The following THRB variants were observed in gnomAD, a reference collection of about 807,000 sequenced individuals.
THRB encodes the protein thyroid hormone receptor beta.
In THRB, 12 loss-of-function variants were observed where a neutral mutation model predicts 47.8. That is an observed-to-expected ratio of 0.25 (90% CI 0.16 to 0.41). The LOEUF (loss-of-function observed/expected upper bound fraction) is 0.41. Among genes scored for constraint, THRB ranks in the 10% least tolerant of loss-of-function variants. The pLI, the probability that THRB is intolerant of heterozygous loss-of-function variation, is 1.00. For missense variants in THRB, 348 were observed against 589.2 expected (o/e 0.59, Z 4.24); for synonymous variants, 218 against 212.2 (o/e 1.03, Z -0.24).
intron 4 of THRB, among the ~76,000 whole-genome samples, chr3:24,191,834 C>T (rs548286701): frequency 2.6e-5 from 4 of 152,176 alleles, no homozygotes; most frequent in African/African-American, 4.8e-5. Context: ...AATCAACACA[C>T]GATTCCTTTG....
intron 7 of THRB, 119 bp downstream of exon 7, chr3:24,146,556 G>A (rs1253878774): frequency 9.3e-6 from 10 of 1,076,258 alleles, no homozygotes; most frequent in Non-Finnish European, 1.4e-5. Context: ...CGAAAGTAAG[G>A]TATTCCCTTC....
chr3:24,418,259 A>AC (rs397781302), intron 1 of THRB, among the ~76,000 whole-genome samples: 2 of 149,984 alleles, frequency 1.3e-5, no homozygotes, highest in African/African-American at 4.9e-5. Context: ...AAAAAAAAAA[A>AC]CCTGTATTTC....
intron 3 of THRB, among the ~76,000 whole-genome samples, chr3:24,236,284 G>A (rs1036359410): frequency 6.6e-6 from 1 of 152,182 alleles, no homozygotes; most frequent in African/African-American, 2.4e-5. Flanking sequence ...TCTCAGTTTA[G>A]TAGTTTGGGG....
Position 24,119,585 on chromosome 3 carries a change from AC to A in THRB, c.*3298del, listed in dbSNP as rs2148754728. On this transcript the variant is annotated 3_prime_UTR_variant, in exon 11 of 11. Transcript: ENST00000646209. The stretch of plus-strand genomic sequence containing the variant: ...TTGTACCCCTGTTCATGGAGGAGCA[AC>A]AAGAACGGCGTTGCTGGCACAGAGC... 6.6e-6 allele frequency: 1 copy of A among 152,412 alleles called. No individual in the cohort carries two copies. The highest frequency in any genetic ancestry group is 2.1e-4 in the South Asian group (1 of 4,806). The allele number at this position is 152,412 out of a possible 1,614,324, so 9.4% of individuals were successfully genotyped here. A position where few individuals can be genotyped will look rare whatever the true frequency, so the allele number is the denominator to read the frequency against.
At chr3:24,291,328 A>G (rs1432654965) in intron 3 of THRB, among the ~76,000 whole-genome samples, 1 of 152,212 alleles carries the variant, frequency 6.6e-6, no homozygotes, top group African/African-American at 2.4e-5. Flanking sequence ...GGCTCTGCCT[A>G]GACATATTTA....
intron 2 of THRB, among the ~76,000 whole-genome samples, chr3:24,311,323 G>A (rs1018380229): frequency 3.9e-5 from 6 of 152,262 alleles, no homozygotes; most frequent in African/African-American, 1.4e-4. Context: ...TAAATACTGT[G>A]TATTAATGAA....
chr3:24,255,042 A>G (rs2051107679), intron 3 of THRB, among the ~76,000 whole-genome samples: 1 of 152,196 alleles, frequency 6.6e-6, no homozygotes, highest in Non-Finnish European at 1.5e-5. Flanking sequence ...CCTTGGGAAG[A>G]ATGGAAAAAT....
intron 6 of THRB, among the ~76,000 whole-genome samples, chr3:24,148,719 T>C (rs1409584227): frequency 6.6e-6 from 1 of 152,222 alleles, no homozygotes; most frequent in Admixed American, 6.5e-5. Context: ...GTATACCCTA[T>C]TGCATATTCC....
Position 24,302,066 on chromosome 3 carries a change from G to A in THRB, c.-188-4695C>T, listed in dbSNP as rs11919538. ...GCCCTAACTTGGTGTTGGCTAAGCC[G>A]CTAGGTTGGTGATAATTTGTTATGG... On this transcript the variant is annotated intron_variant, in intron 2 of 10. Coordinates refer to ENST00000646209, the MANE Select transcript of THRB (RefSeq NM_001354712.2). Among the ~76,000 whole-genome samples, 1,308 of 152,310 alleles carry A rather than the reference G, an allele frequency of 8.6e-3. 18 individuals are homozygous for A. The highest frequency in any genetic ancestry group is 0.029 in the African/African-American group (1,216 of 41,568).
intron 1 of THRB, among the ~76,000 whole-genome samples, chr3:24,416,596 C>T (rs1308064264): frequency 6.6e-6 from 1 of 151,870 alleles, no homozygotes; most frequent in Non-Finnish European, 1.5e-5. Context: ...ATATAGGATT[C>T]TCCCTTCAGA....
At chr3:24,229,761 C>T (rs7652442) in intron 3 of THRB, among the ~76,000 whole-genome samples, 74,887 of 152,014 alleles carry the variant, frequency 0.49, 18,869 homozygotes, top group South Asian at 0.59. Flanking sequence ...AGCATATTGC[C>T]GGAGACAGAT....
At chr3:24,315,226 G>T (rs1189972521) in intron 2 of THRB, among the ~76,000 whole-genome samples, 1 of 152,164 alleles carries the variant, frequency 6.6e-6, no homozygotes, top group African/African-American at 2.4e-5. Flanking sequence ...CACACACAGA[G>T]CATCACGGGG....
intron 1 of THRB, among the ~76,000 whole-genome samples, chr3:24,469,903 C>G (rs762006172): frequency 1.6e-4 from 25 of 152,210 alleles, no homozygotes; most frequent in Non-Finnish European, 2.4e-4. Context: ...ATGGAACAAT[C>G]TGATGAAGAC....
At chr3:24,145,501 G>A (rs990563264) in intron 7 of THRB, among the ~76,000 whole-genome samples, 1 of 152,162 alleles carries the variant, frequency 6.6e-6, no homozygotes, top group African/African-American at 2.4e-5. Flanking sequence ...CTAAGTATTT[G>A]GCTGTAAGTC....
chr3:24,236,711 C>T (rs576621880), intron 3 of THRB, among the ~76,000 whole-genome samples: 1 of 152,216 alleles, frequency 6.6e-6, no homozygotes, highest in African/African-American at 2.4e-5. Context: ...AAAATTTTTC[C>T]CTTTCAAGGT....
chr3:24,142,987 C>A (rs1350499771), intron 8 of THRB, among the ~76,000 whole-genome samples: 1 of 152,154 alleles, frequency 6.6e-6, no homozygotes, highest in Non-Finnish European at 1.5e-5. Context: ...CAACCCTATC[C>A]CTACTCCCTC....
chr3:24,164,999 G>T, intron 5 of THRB: 1 of 706,268 alleles, frequency 1.4e-6, no homozygotes, highest in South Asian at 1.5e-5. Flanking sequence ...GTGAAACTTT[G>T]AACAAATTTA....
At chr3:24,282,996 C>G (rs904325540) in intron 3 of THRB, among the ~76,000 whole-genome samples, 1 of 151,682 alleles carries the variant, frequency 6.6e-6, no homozygotes, top group Non-Finnish European at 1.5e-5. Context: ...CCGAATTCTA[C>G]CAGAGGTACA....
chr3:24,409,661 C>T (rs529384437), intron 1 of THRB, among the ~76,000 whole-genome samples: 68 of 151,814 alleles, frequency 4.5e-4, no homozygotes, highest in Admixed American at 1.5e-3. Flanking sequence ...CACACAGAAA[C>T]ACTTGAAAAA....
Sources: allele counts gnomAD v4.1 joint callset (sites outside exome capture counted in the v4.1 genomes callset), GRCh38; gene constraint gnomAD v4.1.1; transcripts MANE v1.5; gene names NCBI Gene and HGNC (gene_info 2026-07-23, HGNC 2026-07-21).